The following SMAD5 variants were observed in gnomAD, a reference collection of about 807,000 sequenced individuals.
SMAD5 encodes the protein MAD, mothers against decapentaplegic homolog 5.
Under a neutral mutation model 43.1 loss-of-function variants are expected in SMAD5, and 9 were observed. The ratio of observed to expected loss-of-function variants is 0.21; its 90% confidence interval spans 0.13 to 0.36. SMAD5 has a LOEUF of 0.36. SMAD5 is among the 10% of genes least tolerant of loss of function. The probability of loss-of-function intolerance (pLI) is 1.00; values close to 1 mark genes in which losing one functional copy is unlikely to be tolerated. For missense variants in SMAD5, 348 were observed against 574.0 expected, an observed-to-expected ratio of 0.61 and a Z score of 4.02; for synonymous variants, 190 against 192.4, an observed-to-expected ratio of 0.99 and a Z score of 0.10.
chr5:136,153,758 C>A lies in SMAD5; in HGVS notation c.-3C>A. 6.3e-7 allele frequency: 1 copy of A among 1,599,430 alleles called. No homozygotes were observed. Among genetic ancestry groups the A allele is most frequent in the South Asian group, 1.1e-5 (1 of 88,848 alleles). ...CAGGAAGGTCTCCGAAGATTTGTGT[C>A]AAATGACGTCAATGGCCAGCTTGTT... On this transcript the variant is annotated 5_prime_UTR_variant, in exon 3 of 8. Coordinates refer to ENST00000545279, the MANE Select transcript of SMAD5 (RefSeq NM_005903.7).
At chr5:136,161,896 A>G (rs997240500) in intron 4 of SMAD5, among the ~76,000 whole-genome samples, 3 of 152,330 alleles carry the variant, frequency 2.0e-5, no homozygotes, top group African/African-American at 7.2e-5. Flanking sequence ...TAGTTGATAT[A>G]AACAAGAGTT....
chr5:136,171,745 A>G (rs929591111), intron 5 of SMAD5, among the ~76,000 whole-genome samples: 3 of 152,166 alleles, frequency 2.0e-5, no homozygotes, highest in Admixed American at 6.5e-5. Context: ...ATTAGAGTTG[A>G]TGTGGAAATG....
intron 4 of SMAD5, among the ~76,000 whole-genome samples, chr5:136,162,779 C>T (rs531630224): frequency 1.2e-4 from 18 of 152,270 alleles, no homozygotes; most frequent in Admixed American, 8.5e-4. Context: ...GTTGCACAAG[C>T]GTTAGACAAT....
intron 3 of SMAD5, among the ~76,000 whole-genome samples, chr5:136,159,909 A>T (rs1345478860): frequency 6.6e-6 from 1 of 152,230 alleles, no homozygotes; most frequent in Non-Finnish European, 1.5e-5. Flanking sequence ...TTGATGCTGA[A>T]TGATATCAGA....
chr5:136,177,606 G>GC lies in SMAD5; in HGVS notation c.*126_*127insC. On this transcript the variant is annotated 3_prime_UTR_variant, in exon 8 of 8. Transcript: ENST00000545279. Reference sequence around the variant, plus strand: ...ACAGCTTATTTTTTTCTACATAATTGTGACCAATACATTTGTATTTTGTGA... The same window carrying GC: ...ACAGCTTATTTTTTTCTACATAATTGCTGACCAATACATTTGTATTTTGTGA... 1 of 672,772 alleles carries GC rather than the reference G, an allele frequency of 1.5e-6. No individual in the cohort carries two copies. The highest frequency in any genetic ancestry group is 2.5e-6 in the Non-Finnish European group (1 of 405,162). The allele number at this position is 672,772 out of a possible 1,614,324, so 41.7% of individuals were successfully genotyped here.
At chr5:136,167,995 C>T (rs2149777879) in intron 5 of SMAD5, among the ~76,000 whole-genome samples, 1 of 152,196 alleles carries the variant, frequency 6.6e-6, no homozygotes, top group East Asian at 1.9e-4. Flanking sequence ...CATGTGCCAC[C>T]ACACCCGGCT....
chr5:136,180,433 T>C lies in SMAD5; in HGVS notation c.*2953T>C, dbSNP rs1754586912. The C allele has an allele frequency of 6.6e-6, 1 of 152,104 alleles. No individual in the cohort carries two copies. Among genetic ancestry groups the C allele is most frequent in the African/African-American group, 2.4e-5 (1 of 41,438 alleles). 9.4% of individuals were successfully genotyped at this position (152,104 alleles called of 1,614,324 possible). On this transcript the variant is annotated 3_prime_UTR_variant, in exon 8 of 8. Transcript: ENST00000545279. ...TGGTAATGCAAACAGCAGAATAGAA[T>C]GAAATCTCAGTAATGAATTAAAGCA...
intron 2 of SMAD5, among the ~76,000 whole-genome samples, chr5:136,149,098 T>C (rs1484841896): frequency 6.6e-6 from 1 of 151,760 alleles, no homozygotes; most frequent in East Asian, 1.9e-4. Context: ...TTGAATGTTG[T>C]GTAGATGGAA....
chr5:136,171,319 ATTTT>A (rs1349317633), intron 5 of SMAD5, among the ~76,000 whole-genome samples: 3 of 152,216 alleles, frequency 2.0e-5, no homozygotes, highest in African/African-American at 7.2e-5. Context: ...CTGAAAAAGA[ATTTT>A]TTGTCTCAAA....
At chr5:136,164,176 A>G (rs1753917930) in intron 5 of SMAD5, among the ~76,000 whole-genome samples, 1 of 152,240 alleles carries the variant, frequency 6.6e-6, no homozygotes, top group Non-Finnish European at 1.5e-5. Flanking sequence ...AGTCTGAGCA[A>G]CAGAGCGAGG....
intron 3 of SMAD5, 84 bp from the exon 4 acceptor site, chr5:136,160,772 G>T: frequency 7.4e-7 from 1 of 1,358,460 alleles, no homozygotes; most frequent in Non-Finnish European, 1.0e-6. Context: ...AGTCTTACAT[G>T]AATCCTTTCT....
At chr5:136,152,605 T>C (rs555785511) in intron 2 of SMAD5, 1 of 152,202 alleles carries the variant, frequency 6.6e-6, no homozygotes, top group Non-Finnish European at 1.5e-5. Context: ...TTAGTAGGTA[T>C]TTATCGTCTG....
At chr5:136,141,366 G>A (rs1753077416) in intron 1 of SMAD5, among the ~76,000 whole-genome samples, 1 of 152,116 alleles carries the variant, frequency 6.6e-6, no homozygotes. Flanking sequence ...TAGATACCTG[G>A]ATTACATGCC....
In SMAD5 at chr5:136,133,508, A is replaced by C. The variant is rs1752757423; in HGVS notation, c.-245+546A>C. ...ACACTCTGGGCAGTTGTGACCGGCT[A>C]CTGCAATCAGCTGGTAGTTAGACCT... On this transcript the variant is annotated intron_variant, in intron 1 of 7. Transcript: ENST00000545279. 2.0e-5 allele frequency: 3 copies of C among 152,404 alleles called. 1 individual carries two copies. The East Asian group carries it at 5.8e-4, about 29-fold the overall frequency. The allele number at this position is 152,404 out of a possible 1,614,324, so 9.4% of individuals were successfully genotyped here. A position where few individuals can be genotyped will look rare whatever the true frequency, so the allele number is the denominator to read the frequency against.
intron 1 of SMAD5, chr5:136,134,278 G>A (rs931860456): frequency 5.2e-5 from 8 of 152,554 alleles, no homozygotes; most frequent in African/African-American, 1.9e-4. Flanking sequence ...AAGGGTACTT[G>A]GGTTGCGTTT....
At chr5:136,148,548 T>C (rs908876887) in intron 2 of SMAD5, among the ~76,000 whole-genome samples, 8 of 151,788 alleles carry the variant, frequency 5.3e-5, no homozygotes, top group Admixed American at 5.3e-4. Flanking sequence ...AACTATAAAA[T>C]ACATCACATT....
At chr5:136,172,920 A>G (rs1398331211) in intron 6 of SMAD5, 2 of 450,360 alleles carry the variant, frequency 4.4e-6, no homozygotes, top group South Asian at 2.2e-5. Flanking sequence ...TGACTGGAAC[A>G]TAAGCTGTAC....
At chr5:136,158,548 A>G (rs192522144) in intron 3 of SMAD5, among the ~76,000 whole-genome samples, 147 of 152,292 alleles carry the variant, frequency 9.7e-4, no homozygotes, top group African/African-American at 3.3e-3. Context: ...AGGGAAGTCC[A>G]AGGACTTCAG....
At chr5:136,139,988 C>T (rs1421419621) in intron 1 of SMAD5, among the ~76,000 whole-genome samples, 1 of 151,350 alleles carries the variant, frequency 6.6e-6, no homozygotes, top group African/African-American at 2.4e-5. Context: ...ACTGGGATTA[C>T]AGGCATGAGC....
Sources: allele counts gnomAD v4.1 joint callset (sites outside exome capture counted in the v4.1 genomes callset), GRCh38; gene constraint gnomAD v4.1.1; transcripts MANE v1.5; gene names NCBI Gene and HGNC (gene_info 2026-07-23, HGNC 2026-07-21).